The following UBE2R2 variants were observed in gnomAD, a reference collection of about 807,000 sequenced individuals.
UBE2R2 encodes ubiquitin conjugating enzyme E2 R2.
UBE2R2 carries 1 observed loss-of-function variant against 27.8 expected under a neutral mutation model. The observed-to-expected ratio is 0.04, with a 90% CI of 0.01 to 0.17. The LOEUF (loss-of-function observed/expected upper bound fraction) is 0.17, where lower values mean the gene tolerates loss of function less well. Ranked by LOEUF, UBE2R2 falls within the 10% of genes least tolerant of loss-of-function variation. The pLI is 1.00. For synonymous variants in UBE2R2, 106 were observed against 113.3 expected, an observed-to-expected ratio of 0.94 and a Z score of 0.41; for missense variants, 100 against 291.0, an observed-to-expected ratio of 0.34 and a Z score of 4.78.
chr9:33,877,823 G>GTCTGTCTGTCTCTCTCTCTCTCTC lies in UBE2R2; in HGVS notation c.178-9055_178-9054insGTCTGTCTCTCTCTCTCTCTCTCT. On this transcript the variant is annotated intron_variant, in intron 1 of 4. Coordinates refer to ENST00000263228, the MANE Select transcript of UBE2R2 (RefSeq NM_017811.4). ...TCTCTGTCTGTCTGTCTGTCTGTCTGTCTCTCTCTCTCTCTCTCTCTCTCT... is the reference window on the plus strand; with the variant it reads ...TCTCTGTCTGTCTGTCTGTCTGTCTGTCTGTCTGTCTCTCTCTCTCTCTCTCTCTCTCTCTCTCTCTCTCTCTCT... Among the ~76,000 whole-genome samples, 31 of 131,126 alleles carry GTCTGTCTGTCTCTCTCTCTCTCTC rather than the reference G, an allele frequency of 2.4e-4. 1 individual carries two copies. Among genetic ancestry groups the GTCTGTCTGTCTCTCTCTCTCTCTC allele is most frequent in the Middle Eastern group, 3.7e-3 (1 of 270 alleles). 86.0% of individuals were successfully genotyped at this position (131,126 alleles called of 152,430 possible). A position where few individuals can be genotyped will look rare whatever the true frequency, so the allele number is the denominator to read the frequency against.
intron 3 of UBE2R2, among the ~76,000 whole-genome samples, chr9:33,910,109 G>A (rs1822451577): frequency 6.6e-6 from 1 of 152,068 alleles, no homozygotes; most frequent in South Asian, 2.1e-4. Context: ...AAGCCTAGGA[G>A]TAATTTGGAA....
intron 3 of UBE2R2, among the ~76,000 whole-genome samples, chr9:33,909,033 A>C (rs1255023591): frequency 6.6e-6 from 1 of 152,138 alleles, no homozygotes; most frequent in Non-Finnish European, 1.5e-5. Context: ...TAAATATTAA[A>C]ATTCACTTCC....
chr9:33,916,211 G>A (rs1822637523), intron 4 of UBE2R2, among the ~76,000 whole-genome samples: 1 of 152,012 alleles, frequency 6.6e-6, no homozygotes. Context: ...TGGGGTGGCG[G>A]GAGCCTGTAA....
chr9:33,857,947 C>G (rs959521082), intron 1 of UBE2R2, among the ~76,000 whole-genome samples: 1 of 152,010 alleles, frequency 6.6e-6, no homozygotes, highest in Admixed American at 6.6e-5. Context: ...GGAATATGTT[C>G]TTTCATTTAT....
intron 1 of UBE2R2, among the ~76,000 whole-genome samples, chr9:33,854,471 C>T (rs1344875006): frequency 6.6e-6 from 1 of 152,012 alleles, no homozygotes; most frequent in Admixed American, 6.6e-5. Flanking sequence ...AGGTGCCCGC[C>T]ACCATGCCCG....
intron 1 of UBE2R2, among the ~76,000 whole-genome samples, chr9:33,879,527 T>A (rs1176722315): frequency 6.7e-6 from 1 of 149,250 alleles, no homozygotes; most frequent in African/African-American, 2.5e-5. Flanking sequence ...GATCACAGCT[T>A]ACTGCAGACT....
At position 33,839,805 on chromosome 9, in the gene UBE2R2, G is replaced by C. The variant is rs564666942; in HGVS notation, c.177+21871G>C. 4.6e-5 allele frequency among the ~76,000 whole-genome samples: 7 copies of C among 152,212 alleles called. No individual in the cohort carries two copies. The South Asian group carries it at 1.5e-3, about 32-fold the overall frequency. The stretch of plus-strand genomic sequence containing the variant: ...GAGATCAGGAGTTTAAGACCAGCCT[G>C]GGCAACATAGCAAGATTCTGTCTCT... On this transcript the variant is annotated intron_variant, in intron 1 of 4. Coordinates refer to ENST00000263228, the MANE Select transcript of UBE2R2 (RefSeq NM_017811.4).
chr9:33,820,652 A>G (rs948555126), intron 1 of UBE2R2, among the ~76,000 whole-genome samples: 2 of 152,240 alleles, frequency 1.3e-5, no homozygotes, highest in African/African-American at 4.8e-5. Context: ...CCCTTATTAA[A>G]TGTTAGTCCT....
At chr9:33,874,898 C>T (rs1414036517) in intron 1 of UBE2R2, among the ~76,000 whole-genome samples, 3 of 152,078 alleles carry the variant, frequency 2.0e-5, no homozygotes, top group Non-Finnish European at 2.9e-5. Context: ...AACTCCTGGG[C>T]TCAAGTTGAT....
At chr9:33,892,917 A>G (rs1387320560) in intron 2 of UBE2R2, among the ~76,000 whole-genome samples, 1 of 152,060 alleles carries the variant, frequency 6.6e-6, no homozygotes, top group Non-Finnish European at 1.5e-5. Flanking sequence ...TTATTAAAAA[A>G]AAAAGAATTT....
intron 2 of UBE2R2, among the ~76,000 whole-genome samples, chr9:33,896,069 G>A (rs1391424038): frequency 6.6e-6 from 1 of 151,794 alleles, no homozygotes; most frequent in Admixed American, 6.6e-5. Flanking sequence ...CACCCCGCCT[G>A]GCCAGATCTA....
At position 33,817,344 on chromosome 9, in the gene UBE2R2, C is replaced by T. The variant is rs2130691704; in HGVS notation, c.-414C>T. On this transcript the variant is annotated 5_prime_UTR_variant, in exon 1 of 5. Coordinates refer to ENST00000263228, the MANE Select transcript of UBE2R2 (RefSeq NM_017811.4). ...GCGGCCCCCGAAGAGAACGAGAGGG[C>T]GAGCGAGCGCGGCGTTCCCGGGCCG... Among the ~76,000 whole-genome samples the T allele has an allele frequency of 6.7e-6, 1 of 150,070 alleles. No homozygotes were observed. Among genetic ancestry groups the T allele is most frequent in the African/African-American group, 2.4e-5 (1 of 40,898 alleles).
At chr9:33,872,171 A>C (rs954960233) in intron 1 of UBE2R2, among the ~76,000 whole-genome samples, 22 of 149,902 alleles carry the variant, frequency 1.5e-4, no homozygotes, top group African/African-American at 5.4e-4. Flanking sequence ...AGGCAGGGGG[A>C]TCTCTTGAGT....
chr9:33,864,974 T>C (rs1005981760), intron 1 of UBE2R2, among the ~76,000 whole-genome samples: 1 of 152,182 alleles, frequency 6.6e-6, no homozygotes, highest in African/African-American at 2.4e-5. Flanking sequence ...TCTGCCCACC[T>C]TGGCCTCCCA....
chr9:33,818,341 C>T (rs1331327480), intron 1 of UBE2R2, among the ~76,000 whole-genome samples: 1 of 122,396 alleles, frequency 8.2e-6, no homozygotes, highest in Non-Finnish European at 1.6e-5. Flanking sequence ...TGACCTGCAC[C>T]GACTGGATTG....
At chr9:33,878,838 A>G (rs1821670642) in intron 1 of UBE2R2, among the ~76,000 whole-genome samples, 1 of 152,158 alleles carries the variant, frequency 6.6e-6, no homozygotes, top group African/African-American at 2.4e-5. Context: ...ATAGTTGGGC[A>G]CAGGAAGATT....
intron 1 of UBE2R2, among the ~76,000 whole-genome samples, chr9:33,851,512 A>G (rs1180580566): frequency 6.6e-6 from 1 of 152,124 alleles, no homozygotes; most frequent in Non-Finnish European, 1.5e-5. Context: ...CATGACCTTT[A>G]TAGTTTCGGC....
intron 1 of UBE2R2, among the ~76,000 whole-genome samples, chr9:33,821,806 ACAGGGTTTCACCATGTTGGC>A (rs1281823526): frequency 4.0e-5 from 6 of 151,710 alleles, no homozygotes; most frequent in Non-Finnish European, 8.8e-5. Context: ...TTTAGTAGAG[ACAGGGTTTCACCATGTTGGC>A]CAGGCTGGTC....
chr9:33,918,790 CAG>C lies in UBE2R2; in HGVS notation c.*1555_*1556del, dbSNP rs1163509271. 3.3e-5 allele frequency: 5 copies of C among 152,730 alleles called. No homozygotes were observed. Among genetic ancestry groups the C allele is most frequent in the Admixed American group, 6.5e-5 (1 of 15,288 alleles). The allele number at this position is 152,730 out of a possible 1,614,324, so 9.5% of individuals were successfully genotyped here. On this transcript the variant is annotated 3_prime_UTR_variant, in exon 5 of 5. Coordinates refer to ENST00000263228, the MANE Select transcript of UBE2R2 (RefSeq NM_017811.4). The stretch of plus-strand genomic sequence containing the variant: ...TCAACTCCTCCTTTGGCTCGTAACT[CAG>C]AAAGAACCAAAGGGCAGATTAGGGA...
Sources: allele counts gnomAD v4.1 joint callset (sites outside exome capture counted in the v4.1 genomes callset), GRCh38; gene constraint gnomAD v4.1.1; transcripts MANE v1.5; gene names NCBI Gene and HGNC (gene_info 2026-07-23, HGNC 2026-07-21).